NCKAP5: variants seen among roughly 807,000 people sequenced by gnomAD.
NCKAP5 encodes nck-associated protein 5.
Under a neutral mutation model 167.0 loss-of-function variants are expected in NCKAP5, and 92 were observed. The observed-to-expected ratio is 0.55, with a 90% confidence interval of 0.47 to 0.66. The LOEUF (loss-of-function observed/expected upper bound fraction) is 0.66, where lower values mean the gene tolerates loss of function less well. Among genes scored for constraint, NCKAP5 ranks in the 30% least tolerant of loss-of-function variants. The pLI is 0.00. For missense variants in NCKAP5, 2,378 were observed against 2,315.0 expected (o/e 1.03, Z -0.56); for synonymous variants, 891 against 877.4 (o/e 1.02, Z -0.27).
At chr2:132,927,237 T>C (rs1695973674) in intron 8 of NCKAP5, among the ~76,000 whole-genome samples, 1 of 152,170 alleles carries the variant, frequency 6.6e-6, no homozygotes, top group Non-Finnish European at 1.5e-5. Context: ...TGTCTATTTT[T>C]ATAGAAGTGC....
At chr2:133,567,698 T>TGC (rs1484670766) in intron 1 of NCKAP5, among the ~76,000 whole-genome samples, 2 of 139,240 alleles carry the variant, frequency 1.4e-5, no homozygotes, top group Non-Finnish European at 3.1e-5. Context: ...TGTGTGTGTG[T>TGC]GTTTGGGGAG....
At chr2:133,243,607 C>T (rs1391792252) in intron 4 of NCKAP5, among the ~76,000 whole-genome samples, 1 of 152,170 alleles carries the variant, frequency 6.6e-6, no homozygotes, top group Admixed American at 6.5e-5. Flanking sequence ...TTTTTCAACA[C>T]GTTCAACTAA....
At chr2:133,642,698 G>A in the NCKAP5 span, among the ~76,000 whole-genome samples, 3 of 152,194 alleles carry the variant, frequency 2.0e-5, no homozygotes, top group Non-Finnish European at 4.4e-5. Flanking sequence ...AATATTGACA[G>A]GAAACACTAC....
At chr2:132,870,361 A>G (rs1191287159) in intron 9 of NCKAP5, among the ~76,000 whole-genome samples, 1 of 152,216 alleles carries the variant, frequency 6.6e-6, no homozygotes, top group Non-Finnish European at 1.5e-5. Context: ...CAGCTAATAC[A>G]TACACTGTAA....
At chr2:132,682,021 C>T (rs1279517838) in intron 19 of NCKAP5, among the ~76,000 whole-genome samples, 1 of 152,180 alleles carries the variant, frequency 6.6e-6, no homozygotes, top group Non-Finnish European at 1.5e-5. Flanking sequence ...AGCTGGTCAG[C>T]TTTTCATTTG....
At chr2:133,194,749 A>T (rs1177497477) in intron 5 of NCKAP5, among the ~76,000 whole-genome samples, 1 of 151,764 alleles carries the variant, frequency 6.6e-6, no homozygotes, top group Non-Finnish European at 1.5e-5. Context: ...ATGTGAAGTG[A>T]ATTATTTTAA....
At chr2:132,801,289 T>A (rs1558797856) in intron 11 of NCKAP5, among the ~76,000 whole-genome samples, 1 of 152,200 alleles carries the variant, frequency 6.6e-6, no homozygotes, top group Admixed American at 6.5e-5. Flanking sequence ...CAACTTATAC[T>A]GAATTTGGGC....
At chr2:132,755,157 A>G (rs1412421913) in intron 16 of NCKAP5, among the ~76,000 whole-genome samples, 2 of 152,210 alleles carry the variant, frequency 1.3e-5, no homozygotes, top group African/African-American at 4.8e-5. Flanking sequence ...GAACCTAACT[A>G]TTGGGCAAAG....
intron 4 of NCKAP5, among the ~76,000 whole-genome samples, chr2:133,245,878 T>C (rs571101199): frequency 6.8e-6 from 1 of 146,298 alleles, no homozygotes; most frequent in South Asian, 2.2e-4. Context: ...CAAAAAAGGA[T>C]TTTTTTGATT....
At chr2:132,904,871 G>A (rs1045369889) in intron 8 of NCKAP5, among the ~76,000 whole-genome samples, 14 of 152,102 alleles carry the variant, frequency 9.2e-5, no homozygotes, top group Non-Finnish European at 1.6e-4. Flanking sequence ...TCTTCATAAT[G>A]AGGATAGAAA....
At chr2:133,321,034 G>A (rs1188779853) in intron 3 of NCKAP5, among the ~76,000 whole-genome samples, 7 of 152,174 alleles carry the variant, frequency 4.6e-5, no homozygotes, top group East Asian at 1.9e-4. Context: ...CCCAGGAGTC[G>A]TGTATGCTCA....
At position 132,994,192 on chromosome 2, in the gene NCKAP5, T is replaced by C. The variant is rs2077524828; in HGVS notation, c.389A>G (p.Glu130Gly). The change falls in exon 7 of 20, where the codon GAG becomes GGG. Residue 130 changes from glutamate to glycine, a missense_variant. Glu to Gly is a moderately conservative substitution (Grantham distance 98, BLOSUM62 -2). Transcript: ENST00000409261. ...RNLLQSQGSP[E>G]QKKEETVNIM... Reference sequence around the variant, plus strand: ...ATTAACAGTTTCTTCTTTTTTCTGCTCTGGAGATCCTTGACTCTGCAATAG... The same window carrying C: ...ATTAACAGTTTCTTCTTTTTTCTGCCCTGGAGATCCTTGACTCTGCAATAG... 1 of 1,592,058 alleles carries C rather than the reference T, an allele frequency of 6.3e-7. No homozygotes were observed. The highest frequency in any genetic ancestry group is 1.1e-5 in the South Asian group (1 of 87,450).
chr2:132,866,776 C>T (rs16842768), intron 10 of NCKAP5, among the ~76,000 whole-genome samples: 5,863 of 152,192 alleles, frequency 0.039, 282 homozygotes, highest in East Asian at 0.13. Context: ...TTAGATAAAT[C>T]GCTCAAGATT....
At chr2:133,090,437 G>GT (rs1370026946) in intron 6 of NCKAP5, among the ~76,000 whole-genome samples, 3 of 151,982 alleles carry the variant, frequency 2.0e-5, no homozygotes, top group African/African-American at 4.8e-5. Flanking sequence ...TGTGGAGGCA[G>GT]TGGGAGACCA....
At chr2:133,552,128 C>A (rs1575147108) in intron 2 of NCKAP5, among the ~76,000 whole-genome samples, 1 of 88,286 alleles carries the variant, frequency 1.1e-5, no homozygotes, top group East Asian at 4.3e-4. Flanking sequence ...GAAATAGGAA[C>A]ACTTTTACAC....
At chr2:133,637,637 G>C in the NCKAP5 span, among the ~76,000 whole-genome samples, 1 of 127,162 alleles carries the variant, frequency 7.9e-6, no homozygotes, top group African/African-American at 3.0e-5. Context: ...AAGCAAATTG[G>C]ACAGACTATG....
rs367978778 is a variant in NCKAP5 at position 132,833,531 on chromosome 2, T to A, written c.807+26961A>T. On this transcript the variant is annotated intron_variant, in intron 11 of 19. Transcript: ENST00000409261. ...AAGACTTTAATCCATCCTGAGTTGA[T>A]TTTTGTACATGGTGAGCGATGTGGC... Among the ~76,000 whole-genome samples the A allele has an allele frequency of 4.6e-5, 7 of 152,352 alleles. No individual in the cohort carries two copies. In the East Asian group the frequency reaches 9.6e-4, roughly 21 times the overall value.
chr2:133,637,160 C>T, the NCKAP5 span, among the ~76,000 whole-genome samples: 1 of 151,830 alleles, frequency 6.6e-6, no homozygotes, highest in African/African-American at 2.4e-5. Flanking sequence ...ATCAAACCTA[C>T]TTTCCCGCAC....
intron 6 of NCKAP5, among the ~76,000 whole-genome samples, chr2:133,110,726 A>G (rs981355427): frequency 1.3e-5 from 2 of 152,196 alleles, no homozygotes; most frequent in African/African-American, 4.8e-5. Flanking sequence ...ATAGAAATAC[A>G]AAGTCAGAGT....
Sources: gnomAD v4.1 joint callset for allele counts (sites outside exome capture counted in the v4.1 genomes callset) on GRCh38, gnomAD v4.1.1 for gene constraint, MANE v1.5 for transcripts, NCBI Gene and HGNC (gene_info 2026-07-23, HGNC 2026-07-21) for gene names.